CUEDC1: variants seen among roughly 807,000 people sequenced by gnomAD.
CUEDC1 encodes the protein CUE domain containing 1.
CUEDC1 carries 30 observed loss-of-function variants against 43.7 expected under a neutral mutation model. The ratio of observed to expected loss-of-function variants is 0.69; its 90% confidence interval spans 0.51 to 0.93. The LOEUF is 0.93. Ranked by LOEUF, CUEDC1 falls within the 40% of genes least tolerant of loss-of-function variation. The pLI is 0.00. For synonymous variants in CUEDC1, 223 were observed against 223.6 expected (o/e 1.00, Z 0.02); for missense variants, 486 against 549.0 (o/e 0.89, Z 1.15).
At chr17:57,936,675 C>T (rs1236984718) in intron 1 of CUEDC1, among the ~76,000 whole-genome samples, 3 of 152,084 alleles carry the variant, frequency 2.0e-5, no homozygotes, top group Non-Finnish European at 4.4e-5. Flanking sequence ...AAGACCTGAG[C>T]CGCAACCCGG....
intron 1 of CUEDC1, among the ~76,000 whole-genome samples, chr17:57,918,537 C>T (rs2074667174): frequency 6.6e-6 from 1 of 152,186 alleles, no homozygotes; most frequent in Non-Finnish European, 1.5e-5. Context: ...TCTTACCTAC[C>T]CATCTGTTTA....
intron 1 of CUEDC1, among the ~76,000 whole-genome samples, chr17:57,913,137 C>A (rs1201706186): frequency 2.0e-5 from 3 of 151,974 alleles, no homozygotes; most frequent in African/African-American, 7.2e-5. Context: ...ACCAGCCTGG[C>A]CAACATGGTA....
intron 10 of CUEDC1, among the ~76,000 whole-genome samples, chr17:57,864,000 C>CAA (rs71365846): frequency 0.01 from 844 of 82,352 alleles, 16 homozygotes; most frequent in African/African-American, 0.025. Context: ...GACTCCATCT[C>CAA]AAAAAAAAAA....
In CUEDC1 at chr17:57,954,994, T is replaced by C. The variant is rs989609609; in HGVS notation, c.-316+231A>G. ...CCGGGGCCCGGGATGAGGTGGGGGC[T>C]CGGGAAGGAAGGGCGGGCGGGGACC... On this transcript the variant is annotated intron_variant, in intron 1 of 10. Transcript: ENST00000577830. This position sits in a 1 kb window ranked among gnomAD's most constrained non-coding sequence, Gnocchi z 4.3. 2.0e-5 allele frequency among the ~76,000 whole-genome samples: 3 copies of C among 150,318 alleles called. No homozygotes were observed. Among genetic ancestry groups the C allele is most frequent in the African/African-American group, 7.3e-5 (3 of 40,848 alleles).
chr17:57,949,302 C>G (rs1305083080), intron 1 of CUEDC1, among the ~76,000 whole-genome samples: 2 of 152,188 alleles, frequency 1.3e-5, no homozygotes, highest in Non-Finnish European at 2.9e-5. Flanking sequence ...GTTTGTCTCC[C>G]TTACTAGACA....
At chr17:57,900,008 A>C (rs2074454878) in intron 1 of CUEDC1, among the ~76,000 whole-genome samples, 1 of 152,144 alleles carries the variant, frequency 6.6e-6, no homozygotes, top group African/African-American at 2.4e-5. Context: ...CCTGACTTGC[A>C]GCAAAACTGG....
chr17:57,866,929 G>A (rs1039143736), intron 9 of CUEDC1: 1 of 345,422 alleles, frequency 2.9e-6, no homozygotes, highest in African/African-American at 2.1e-5. Context: ...GGCCCAGGAG[G>A]GTCTGAGGCA....
intron 1 of CUEDC1, among the ~76,000 whole-genome samples, chr17:57,895,955 A>C (rs2074403550): frequency 6.6e-6 from 1 of 152,228 alleles, no homozygotes; most frequent in African/African-American, 2.4e-5. Context: ...CCCCCCCAGT[A>C]GGCTGAGTTC....
intron 9 of CUEDC1, 187 bp downstream of exon 9, chr17:57,867,170 G>C: frequency 1.6e-6 from 1 of 628,632 alleles, no homozygotes; most frequent in Non-Finnish European, 2.9e-6. Context: ...CTTTTCAGGG[G>C]TTGCAGAAAG....
chr17:57,871,506 G>A (rs1245244247), intron 5 of CUEDC1, 137 bp from the exon 6 acceptor site: 2 of 655,966 alleles, frequency 3.0e-6, no homozygotes, highest in African/African-American at 3.6e-5. Context: ...CCCAAAATAT[G>A]AGTGCACACA....
chr17:57,891,679 C>T (rs1467720503), intron 1 of CUEDC1, among the ~76,000 whole-genome samples: 1 of 152,192 alleles, frequency 6.6e-6, no homozygotes, highest in Non-Finnish European at 1.5e-5. Flanking sequence ...GCTAGTCCAC[C>T]AACGAGCCAA....
In CUEDC1 at chr17:57,868,204, G is replaced by A; in HGVS notation, c.980C>T (p.Ser327Leu). The A allele has an allele frequency of 6.2e-7, 1 of 1,614,218 alleles. No homozygotes were observed. Among genetic ancestry groups the A allele is most frequent in the Non-Finnish European group, 8.5e-7 (1 of 1,180,030 alleles). Residue 327 changes from serine to leucine, a missense_variant, in exon 8 of 11, where the codon TCA becomes TTA. Ser to Leu is a moderately radical substitution (Grantham distance 145). Transcript: ENST00000577830. Reference sequence around the variant, plus strand: ...TGACTTCCTCATTTTGGTCTTCTCTGAGAAGGCTCGGGCAAGTTCAAACAG... The same window carrying A: ...TGACTTCCTCATTTTGGTCTTCTCTAAGAAGGCTCGGGCAAGTTCAAACAG... ...RKLFELARAF[S>L]EKTKMRKSKR...
chr17:57,915,982 C>A, intron 1 of CUEDC1, among the ~76,000 whole-genome samples: 1 of 152,226 alleles, frequency 6.6e-6, no homozygotes. Context: ...AAAAACTTTG[C>A]AGAGTTTACC....
At chr17:57,920,816 A>G (rs1165950999) in intron 1 of CUEDC1, among the ~76,000 whole-genome samples, 1 of 151,820 alleles carries the variant, frequency 6.6e-6, no homozygotes, top group East Asian at 1.9e-4. Context: ...TTGTATTTTT[A>G]TTAGAGAACA....
At position 57,868,180 on chromosome 17, in the gene CUEDC1, G is replaced by T; in HGVS notation, c.1004C>A (p.Ser335Ter). The T allele has an allele frequency of 6.2e-7, 1 of 1,614,190 alleles. No homozygotes were observed. Among genetic ancestry groups the T allele is most frequent in the South Asian group, 1.1e-5 (1 of 91,070 alleles). The change falls in exon 8 of 11, where the codon TCA (serine) becomes TAA (stop). Residue 335 changes from serine (S) to a stop codon, truncating the protein, a stop_gained. Transcript: ENST00000577830. LOFTEE classifies it high-confidence loss of function. ...AFSEKTKMRK[S>*]KRKHLLKHQS... is the part of the protein sequence containing the mutation. ...ATGCTTCAACAAGTGTTTCCTCTTT[G>T]ACTTCCTCATTTTGGTCTTCTCTGA...
Position 57,925,320 on chromosome 17 carries a change from A to T in CUEDC1, c.-316+29905T>A, listed in dbSNP as rs550194302. Among the ~76,000 whole-genome samples the T allele has an allele frequency of 5.6e-4, 86 of 152,272 alleles. 2 individuals carry two copies. In the South Asian group the frequency reaches 0.018, roughly 31 times the overall value. On this transcript the variant is annotated intron_variant, in intron 1 of 10. Coordinates refer to ENST00000577830, the MANE Select transcript of CUEDC1 (RefSeq NM_001271875.2). The stretch of plus-strand genomic sequence containing the variant: ...GAAGTCAGGATGAAGAGCTGCTGGG[A>T]TGGAATAAACCCCTCCAGGCAGCCC...
intron 1 of CUEDC1, among the ~76,000 whole-genome samples, chr17:57,900,690 A>G (rs913327680): frequency 2.0e-5 from 3 of 152,178 alleles, no homozygotes; most frequent in African/African-American, 7.2e-5. Flanking sequence ...TGTGACCTAG[A>G]GGTTGTCCAG....
At chr17:57,876,137 C>T (rs62084495) in intron 3 of CUEDC1, among the ~76,000 whole-genome samples, 1 of 152,174 alleles carries the variant, frequency 6.6e-6, no homozygotes, top group African/African-American at 2.4e-5. Context: ...AAGGAAGATT[C>T]CTAAAACACG....
At chr17:57,906,512 A>ATAAACAAG (rs1167715433) in intron 1 of CUEDC1, among the ~76,000 whole-genome samples, 1 of 152,234 alleles carries the variant, frequency 6.6e-6, no homozygotes, top group Non-Finnish European at 1.5e-5. Context: ...GTTTGGGATG[A>ATAAACAAG]TAAACAAGTT....
Sources: gnomAD v4.1 joint callset for allele counts (sites outside exome capture counted in the v4.1 genomes callset) on GRCh38, gnomAD v4.1.1 for gene constraint, Gnocchi (gnomAD v3.1) non-coding constraint, MANE v1.5 for transcripts, NCBI Gene and HGNC (gene_info 2026-07-23, HGNC 2026-07-21) for gene names.